PEX3: variants seen among roughly 807,000 people sequenced by gnomAD.
PEX3 encodes peroxisomal biogenesis factor 3.
A neutral mutation model predicts 55.8 loss-of-function variants in PEX3; 30 were observed. That is an observed-to-expected ratio of 0.54 (90% CI 0.40 to 0.73). The LOEUF (loss-of-function observed/expected upper bound fraction) is 0.73, where lower values mean the gene tolerates loss of function less well. PEX3 is among the 30% of genes least tolerant of loss of function. The pLI is 0.00. For synonymous variants in PEX3, 135 were observed against 148.4 expected, an observed-to-expected ratio of 0.91 and a Z score of 0.66; for missense variants, 351 against 432.8, an observed-to-expected ratio of 0.81 and a Z score of 1.68.
At chr6:143,481,847 GTC>G (rs1780246230) in intron 10 of PEX3, among the ~76,000 whole-genome samples, 2 of 152,084 alleles carry the variant, frequency 1.3e-5, no homozygotes, top group African/African-American at 4.8e-5. Flanking sequence ...CAAGACTCCT[GTC>G]TCTACAAAAA....
In PEX3 at chr6:143,454,952, T is replaced by A. The variant is rs1779822879; in HGVS notation, c.73+3837T>A. ...AAGCCATTCTACATAATTTGGACAT[T>A]ATCCTTTGTATTGGTGCTTGCTAGA... On this transcript the variant is annotated intron_variant, in intron 1 of 11. Coordinates refer to ENST00000367591, the MANE Select transcript of PEX3 (RefSeq NM_003630.3). The surrounding 1 kb of genome is among the most constrained non-coding windows in gnomAD (Gnocchi z 4.3). 6.6e-6 allele frequency among the ~76,000 whole-genome samples: 1 copy of A among 152,234 alleles called. No individual in the cohort carries two copies.
rs1779816091 is a variant in PEX3, at chr6:143,454,489, G to A, written c.73+3374G>A. 6.6e-6 allele frequency among the ~76,000 whole-genome samples: 1 copy of A among 152,092 alleles called. No homozygotes were observed. On this transcript the variant is annotated intron_variant, in intron 1 of 11. Coordinates refer to ENST00000367591, the MANE Select transcript of PEX3 (RefSeq NM_003630.3). This position sits in a 1 kb window ranked among gnomAD's most constrained non-coding sequence, Gnocchi z 4.3. Reference sequence around the variant, plus strand: ...TTATACCTTAAATCCTGTAATCTCTGGCTTCACATTTTTTATTCATTCATT... The same window carrying A: ...TTATACCTTAAATCCTGTAATCTCTAGCTTCACATTTTTTATTCATTCATT...
intron 9 of PEX3, among the ~76,000 whole-genome samples, chr6:143,477,008 G>A (rs1672041205): frequency 6.6e-6 from 1 of 152,156 alleles, no homozygotes. Flanking sequence ...GACAATTGAA[G>A]AAATGTTTCA....
intron 4 of PEX3, 131 bp downstream of exon 4, chr6:143,468,296 G>A (rs1046061110): frequency 1.6e-6 from 1 of 639,542 alleles, no homozygotes; most frequent in Non-Finnish European, 2.8e-6. Flanking sequence ...ATATAGTACA[G>A]GTAAAGCAAA....
rs979585043 is a variant in PEX3 at position 143,465,780 on chromosome 6, G to A, written c.288-2342G>A. On this transcript the variant is annotated intron_variant, in intron 3 of 11. Transcript: ENST00000367591. The surrounding 1 kb of genome is among the most constrained non-coding windows in gnomAD (Gnocchi z 4.7). ...GTTACTCAACACATTTTCTGAACCT[G>A]TGCCATCTAGGAAAGAGGTAACTGA... Among the ~76,000 whole-genome samples, 8 of 151,978 alleles carry A rather than the reference G, an allele frequency of 5.3e-5. No homozygotes were observed. Among genetic ancestry groups the A allele is most frequent in the Middle Eastern group, 3.2e-3 (1 of 316 alleles).
At position 143,464,032 on chromosome 6, in the gene PEX3, T is replaced by G. The variant is rs1342859344; in HGVS notation, c.287+1035T>G. ...ATGGGGGTTTTCCATTTTAAATTTC[T>G]TCATTCTTAGAGGTAGACAGACCTT... On this transcript the variant is annotated intron_variant, in intron 3 of 11. Transcript: ENST00000367591. The surrounding 1 kb of genome is among the most constrained non-coding windows in gnomAD (Gnocchi z 5.8). Among the ~76,000 whole-genome samples the G allele has an allele frequency of 6.6e-6, 1 of 152,124 alleles. No individual in the cohort carries two copies. Among genetic ancestry groups the G allele is most frequent in the African/African-American group, 2.4e-5 (1 of 41,444 alleles).
At position 143,487,811 on chromosome 6, in the gene PEX3, T is replaced by C. The variant is rs1780340455; in HGVS notation, c.1039-1332T>C. On this transcript the variant is annotated intron_variant, in intron 11 of 11. Coordinates refer to ENST00000367591, the MANE Select transcript of PEX3 (RefSeq NM_003630.3). This position sits in a 1 kb window ranked among gnomAD's most constrained non-coding sequence, Gnocchi z 5.3. ...ATGATTTGGTCTTCATTTGAAAGAT[T>C]TTCTGCCTCTGTTCTTCTCTCATTA... Among the ~76,000 whole-genome samples, 1 of 152,058 alleles carries C rather than the reference T, an allele frequency of 6.6e-6. No individual in the cohort carries two copies. Among genetic ancestry groups the C allele is most frequent in the South Asian group, 2.1e-4 (1 of 4,824 alleles).
chr6:143,470,937 A>C (rs140912420), intron 4 of PEX3, 24 bp from the exon 5 acceptor site: 2 of 1,605,106 alleles, frequency 1.2e-6, no homozygotes, highest in East Asian at 2.2e-5. Flanking sequence ...CACAGTACCA[A>C]ATGCTTTTCT....
rs1780203857 is a variant in PEX3 at position 143,479,605 on chromosome 6, G to T, written c.941+407G>T. ...TTGTTCCTTATAATACCCGGGCATT[G>T]TTGGTATAGATTCTCATTTGATGAA... On this transcript the variant is annotated intron_variant, in intron 10 of 11. Transcript: ENST00000367591. This position sits in a 1 kb window ranked among gnomAD's most constrained non-coding sequence, Gnocchi z 4.6. Among the ~76,000 whole-genome samples the T allele has an allele frequency of 6.6e-6, 1 of 152,002 alleles. No homozygotes were observed. The highest frequency in any genetic ancestry group is 1.5e-5 in the Non-Finnish European group (1 of 67,920).
rs1438443978 is a variant in PEX3 at position 143,466,905 on chromosome 6, T to A, written c.288-1217T>A. Reference sequence around the variant, plus strand: ...ACTTTTTTGAATATACTGTATTATATAAATTTGACTTGGGAACCATATAAA... The same window carrying A: ...ACTTTTTTGAATATACTGTATTATAAAAATTTGACTTGGGAACCATATAAA... On this transcript the variant is annotated intron_variant, in intron 3 of 11. Coordinates refer to ENST00000367591, the MANE Select transcript of PEX3 (RefSeq NM_003630.3). This position sits in a 1 kb window ranked among gnomAD's most constrained non-coding sequence, Gnocchi z 5.4. 1.3e-5 allele frequency among the ~76,000 whole-genome samples: 2 copies of A among 152,054 alleles called. No individual in the cohort carries two copies. Among genetic ancestry groups the A allele is most frequent in the Non-Finnish European group, 2.9e-5 (2 of 67,940 alleles).
intron 4 of PEX3, among the ~76,000 whole-genome samples, chr6:143,470,442 C>T (rs934620496): frequency 2.6e-5 from 4 of 152,144 alleles, no homozygotes; most frequent in South Asian, 4.2e-4. Flanking sequence ...CTAGGACTCT[C>T]GGCAGCAGTC....
rs146553660 is a variant in PEX3 at position 143,489,124 on chromosome 6, A to G, written c.1039-19A>G. 46 of 1,515,246 alleles carry G rather than the reference A, an allele frequency of 3.0e-5. No individual in the cohort carries two copies. The East Asian group carries it at 9.7e-4, about 32-fold the overall frequency. The allele number at this position is 1,515,246 out of a possible 1,614,324, so 93.9% of individuals were successfully genotyped here. ...TATATGTTTTGCAAACTATAATGTT[A>G]TATTATCATCTTTGCTAGGATCTGT... On this transcript the variant is annotated intron_variant, in intron 11 of 11. Transcript: ENST00000367591. The surrounding 1 kb of genome is among the most constrained non-coding windows in gnomAD (Gnocchi z 5.5).
intron 4 of PEX3, among the ~76,000 whole-genome samples, chr6:143,468,804 C>CTT: frequency 6.6e-5 from 1 of 15,154 alleles, no homozygotes; most frequent in South Asian, 2.0e-3. Context: ...AATGCTATCC[C>CTT]CCCCCCCCCC....
Position 143,451,156 on chromosome 6 carries a change from G to C in PEX3, c.73+41G>C, listed in dbSNP as rs746158756. The C allele has an allele frequency of 9.7e-6, 13 of 1,342,998 alleles. No homozygotes were observed. The South Asian group carries it at 1.5e-4, about 16-fold the overall frequency. The allele number at this position is 1,342,998 out of a possible 1,614,324, so 83.2% of individuals were successfully genotyped here. ...CTTGAAAGGGGGCATTGGGAGAAGG[G>C]GGTGGGAGAGGTGACTTCTTCTAAA... On this transcript the variant is annotated intron_variant, in intron 1 of 11. Coordinates refer to ENST00000367591, the MANE Select transcript of PEX3 (RefSeq NM_003630.3). This position sits in a 1 kb window ranked among gnomAD's most constrained non-coding sequence, Gnocchi z 4.1.
chr6:143,471,399 C>G lies in PEX3; in HGVS notation c.473C>G (p.Pro158Arg), dbSNP rs199781957. The change falls in exon 6 of 12, where the codon CCA (proline) becomes CGA (arginine). Residue 158 changes from proline to arginine, a missense_variant. Coordinates refer to ENST00000367591, the MANE Select transcript of PEX3 (RefSeq NM_003630.3). This position sits in a 1 kb window ranked among gnomAD's most constrained non-coding sequence, Gnocchi z 5.4. ...GKNGTTILAP[P>R]DVQQQYLSSI... ...TTTATACAGACAATTCTTGCTCCCC[C>G]AGATGTCCAACAGCAGTATTTATCA... is the stretch of plus-strand genomic sequence containing the variant. 230 of 1,606,602 alleles carry G rather than the reference C, an allele frequency of 1.4e-4. 2 individuals are homozygous for G. The East Asian group carries it at 2.1e-3, about 15-fold the overall frequency.
chr6:143,483,359 A>C lies in PEX3; in HGVS notation c.942-1793A>C, dbSNP rs931984696. On this transcript the variant is annotated intron_variant, in intron 10 of 11. Transcript: ENST00000367591. This position sits in a 1 kb window ranked among gnomAD's most constrained non-coding sequence, Gnocchi z 4.3. ...GAACGTATAATAGAAAAATTTAAACAAAAGTAGACAGTCAAGCAGTTTTCC... is the reference window on the plus strand; with the variant it reads ...GAACGTATAATAGAAAAATTTAAACCAAAGTAGACAGTCAAGCAGTTTTCC... Among the ~76,000 whole-genome samples the C allele has an allele frequency of 6.6e-6, 1 of 152,198 alleles. No homozygotes were observed.
chr6:143,463,327 AC>A lies in PEX3; in HGVS notation c.287+331del, dbSNP rs1779949391. Among the ~76,000 whole-genome samples, 1 of 152,242 alleles carries A rather than the reference AC, an allele frequency of 6.6e-6. No homozygotes were observed. ...CAGATGCTGTGAAGCTAACAAAGTTACGTTAAATATTGTGCTTCTTTCTGAA... is the reference window on the plus strand; with the variant it reads ...CAGATGCTGTGAAGCTAACAAAGTTAGTTAAATATTGTGCTTCTTTCTGAA... On this transcript the variant is annotated intron_variant, in intron 3 of 11. Coordinates refer to ENST00000367591, the MANE Select transcript of PEX3 (RefSeq NM_003630.3). The surrounding 1 kb of genome is among the most constrained non-coding windows in gnomAD (Gnocchi z 5.7).
chr6:143,479,309 A>T lies in PEX3; in HGVS notation c.941+111A>T. On this transcript the variant is annotated intron_variant, in intron 10 of 11. Coordinates refer to ENST00000367591, the MANE Select transcript of PEX3 (RefSeq NM_003630.3). The surrounding 1 kb of genome is among the most constrained non-coding windows in gnomAD (Gnocchi z 4.6). ...CAAACCTATTAAATTTGAGTGCCTC[A>T]TTTTTTAACAAATTAAACTCTGTTA... is the stretch of plus-strand genomic sequence containing the variant. The T allele has an allele frequency of 1.3e-6, 1 of 799,816 alleles. No individual in the cohort carries two copies. The highest frequency in any genetic ancestry group is 2.4e-4 in the Middle Eastern group (1 of 4,202). The allele number at this position is 799,816 out of a possible 1,614,324, so 49.5% of individuals were successfully genotyped here.
At position 143,471,138 on chromosome 6, in the gene PEX3, G is replaced by A; in HGVS notation, c.456+53G>A. 6 of 1,505,264 alleles carry A rather than the reference G, an allele frequency of 4.0e-6. No individual in the cohort carries two copies. Among genetic ancestry groups the A allele is most frequent in the Non-Finnish European group, 5.5e-6 (6 of 1,082,160 alleles). 93.2% of individuals were successfully genotyped at this position (1,505,264 alleles called of 1,614,324 possible). ...TGTTCTTTCCCTCAGGAGGTTCAAA[G>A]TTTAACTTATTTATCCTGATAACAA... On this transcript the variant is annotated intron_variant, in intron 5 of 11. Transcript: ENST00000367591. This position sits in a 1 kb window ranked among gnomAD's most constrained non-coding sequence, Gnocchi z 5.4.
Sources: gnomAD v4.1 joint callset for allele counts (sites outside exome capture counted in the v4.1 genomes callset) on GRCh38, gnomAD v4.1.1 for gene constraint, Gnocchi (gnomAD v3.1) non-coding constraint, MANE v1.5 for transcripts, NCBI Gene and HGNC (gene_info 2026-07-23, HGNC 2026-07-21) for gene names.